Variants in TLCD3B observed in about 807,000 individuals in gnomAD.
TLCD3B encodes TLC domain containing 3B.
A neutral mutation model predicts 23.0 loss-of-function variants in TLCD3B; 9 were observed. The observed-to-expected ratio is 0.39, with a 90% CI of 0.24 to 0.68. TLCD3B has a LOEUF of 0.68. Among genes scored for constraint, TLCD3B ranks in the 30% least tolerant of loss-of-function variants. TLCD3B has a pLI of 0.44. For synonymous variants in TLCD3B, 161 were observed against 161.0 expected (o/e 1.00, Z 0.00); for missense variants, 307 against 371.8 (o/e 0.83, Z 1.43).
At chr16:30,026,328 C>T (rs572232437) in intron 3 of TLCD3B, among the ~76,000 whole-genome samples, 3 of 152,226 alleles carry the variant, frequency 2.0e-5, no homozygotes, top group African/African-American at 7.2e-5. Context: ...GACTGTGTCC[C>T]TTATGTAACA....
chr16:30,027,245 G>A, intron 2 of TLCD3B: 1 of 446,840 alleles, frequency 2.2e-6, no homozygotes, highest in Non-Finnish European at 4.5e-6. Context: ...GAAGGGGCGA[G>A]AGTGCTGGAG....
intron 2 of TLCD3B, among the ~76,000 whole-genome samples, chr16:30,043,960 G>A (rs1166414096): frequency 6.6e-6 from 1 of 151,264 alleles, no homozygotes; most frequent in Non-Finnish European, 1.5e-5. Context: ...CTCACAAAGT[G>A]CTGGGATTAT....
At chr16:30,048,620 A>C (rs1010528680) in intron 1 of TLCD3B, among the ~76,000 whole-genome samples, 5 of 149,992 alleles carry the variant, frequency 3.3e-5, no homozygotes, top group African/African-American at 1.2e-4. Flanking sequence ...CCTGGTTCTA[A>C]AGGCTTTTTT....
intron 2 of TLCD3B, among the ~76,000 whole-genome samples, chr16:30,042,847 G>A (rs1567309219): frequency 1.3e-5 from 2 of 151,936 alleles, no homozygotes; most frequent in South Asian, 2.1e-4. Context: ...ACCTGTAATC[G>A]CAATGCTTTG....
intron 2 of TLCD3B, chr16:30,027,606 C>T (rs927449638): frequency 4.4e-6 from 2 of 456,002 alleles, no homozygotes; most frequent in Non-Finnish European, 8.8e-6. Flanking sequence ...TTTTCAGGGA[C>T]AGCCAAGCGT....
chr16:30,051,436 T>C (rs1377733451), intron 1 of TLCD3B, among the ~76,000 whole-genome samples: 1 of 150,028 alleles, frequency 6.7e-6, no homozygotes, highest in Non-Finnish European at 1.5e-5. Context: ...GGCAGGAGAA[T>C]TGCTTGAATC....
chr16:30,028,354 AGAC>A (rs752680447), intron 2 of TLCD3B, among the ~76,000 whole-genome samples: 4 of 152,096 alleles, frequency 2.6e-5, no homozygotes, highest in Non-Finnish European at 4.4e-5. Context: ...AAAGCAGGGA[AGAC>A]GGACAGGAAC....
chr16:30,032,156 G>A (rs1230637564), upstream of TLCD3B, among the ~76,000 whole-genome samples: 1 of 152,180 alleles, frequency 6.6e-6, no homozygotes, highest in Non-Finnish European at 1.5e-5. Context: ...TGGCCCATAA[G>A]GAAAGTGAGG....
chr16:30,048,538 G>C (rs551937334), intron 1 of TLCD3B, among the ~76,000 whole-genome samples: 1 of 152,256 alleles, frequency 6.6e-6, no homozygotes, highest in African/African-American at 2.4e-5. Context: ...CTGAGGCTCA[G>C]TGAGGTCAAT....
At chr16:30,048,148 GA>G (rs34378362) in intron 1 of TLCD3B, among the ~76,000 whole-genome samples, 70,522 of 141,136 alleles carry the variant, frequency 0.5, 16,930 homozygotes, top group African/African-American at 0.55. Flanking sequence ...GCCTCCAAAA[GA>G]AAAAAAAAAA....
intron 3 of TLCD3B, among the ~76,000 whole-genome samples, chr16:30,038,019 C>A (rs2071506853): frequency 2.0e-5 from 3 of 152,162 alleles, no homozygotes; most frequent in Admixed American, 2.0e-4. Flanking sequence ...CCCCAGGGAA[C>A]CTTCTGAAGT....
At chr16:30,052,166 G>A (rs1042060056) in intron 1 of TLCD3B, among the ~76,000 whole-genome samples, 1 of 151,916 alleles carries the variant, frequency 6.6e-6, no homozygotes, top group African/African-American at 2.4e-5. Context: ...TTAGGAGTTC[G>A]AGACCAGCCT....
intron 1 of TLCD3B, chr16:30,030,145 G>A: frequency 6.7e-7 from 1 of 1,483,378 alleles, no homozygotes; most frequent in Non-Finnish European, 9.1e-7. Context: ...CCCTGTTTTG[G>A]AGGGTGGGAG....
chr16:30,029,975 C>G lies in TLCD3B; in HGVS notation c.125+428G>C. 1 of 1,262,250 alleles carries G rather than the reference C, an allele frequency of 7.9e-7. No individual in the cohort carries two copies. The highest frequency in any genetic ancestry group is 1.1e-6 in the Non-Finnish European group (1 of 947,970). 78.2% of individuals were successfully genotyped at this position (1,262,250 alleles called of 1,614,324 possible). A position where few individuals can be genotyped will look rare whatever the true frequency, so the allele number is the denominator to read the frequency against. On this transcript the variant is annotated intron_variant, in intron 1 of 4. Coordinates refer to ENST00000380495, the MANE Select transcript of TLCD3B (RefSeq NM_031478.6). This position sits in a 1 kb window ranked among gnomAD's most constrained non-coding sequence, Gnocchi z 4.6. ...TTTCCCACTGTCTCCTGACTGCCAC[C>G]AGCCTCCACTCTGCACTCTGGCCCT...
chr16:30,027,730 G>T, intron 2 of TLCD3B: 1 of 449,856 alleles, frequency 2.2e-6, no homozygotes, highest in Non-Finnish European at 4.5e-6. Flanking sequence ...TTCTTCTGGA[G>T]TCAGCACATT....
chr16:30,025,183 T>G lies in TLCD3B; in HGVS notation c.825A>C (p.Ter275CysextTer53). ...RPPPACQAQD[*>C] ...AGGGGGAGGGTCCCGGCCCCCGGCC[T>G]CAGTCCTGGGCCTGGCAGGCCGGGG... The change falls in exon 5 of 5, where the codon TGA becomes TGC. Residue 275 changes from the stop codon to cysteine (C), a stop_lost. Transcript: ENST00000380495. This position sits in a 1 kb window ranked among gnomAD's most constrained non-coding sequence, Gnocchi z 4.1. The G allele has an allele frequency of 6.9e-7, 1 of 1,450,286 alleles. No homozygotes were observed. The highest frequency in any genetic ancestry group is 9.0e-7 in the Non-Finnish European group (1 of 1,105,486). The allele number at this position is 1,450,286 out of a possible 1,614,324, so 89.8% of individuals were successfully genotyped here.
intron 1 of TLCD3B, chr16:30,046,468 CAT>C (rs937121791): frequency 6.6e-6 from 1 of 152,228 alleles, no homozygotes; most frequent in Non-Finnish European, 1.5e-5. Flanking sequence ...CTGTTTCCCA[CAT>C]GATACCCAGG....
chr16:30,027,614 C>A (rs1382872497), intron 2 of TLCD3B: 1 of 456,016 alleles, frequency 2.2e-6, no homozygotes, highest in Non-Finnish European at 4.4e-6. Flanking sequence ...GACAGCCAAG[C>A]GTTAAGGGGA....
intron 2 of TLCD3B, among the ~76,000 whole-genome samples, chr16:30,042,530 C>T (rs539419180): frequency 1.3e-5 from 2 of 152,232 alleles, no homozygotes; most frequent in Non-Finnish European, 2.9e-5. Context: ...TGCCTCTGAT[C>T]CGCCTTTATA....
Sources: allele counts gnomAD v4.1 joint callset (sites outside exome capture counted in the v4.1 genomes callset), GRCh38; gene constraint gnomAD v4.1.1; non-coding constraint Gnocchi (gnomAD v3.1); transcripts MANE v1.5; gene names NCBI Gene and HGNC (gene_info 2026-07-23, HGNC 2026-07-21).